NFYC: variants seen among roughly 807,000 people sequenced by gnomAD.
The protein encoded by NFYC is nuclear transcription factor Y subunit gamma.
Under a neutral mutation model 53.1 loss-of-function variants are expected in NFYC, and 25 were observed. The observed-to-expected ratio is 0.47, with a 90% CI of 0.34 to 0.66. NFYC has a LOEUF of 0.66. Among genes scored for constraint, NFYC ranks in the 30% least tolerant of loss-of-function variants. NFYC has a pLI of 0.01. For synonymous variants in NFYC, 145 were observed against 152.6 expected (o/e 0.95, Z 0.37); for missense variants, 260 against 422.7 (o/e 0.62, Z 3.38).
At chr1:40,692,264 A>C in intron 1 of NFYC, 1 of 155,804 alleles carries the variant, frequency 6.4e-6, no homozygotes, top group South Asian at 1.5e-4. Flanking sequence ...TGGGGCAATG[A>C]CCCCCTGCGG....
At chr1:40,734,340 C>CCTTATTTA (rs1194574300) in intron 1 of NFYC, among the ~76,000 whole-genome samples, 3 of 146,560 alleles carry the variant, frequency 2.0e-5, no homozygotes, top group African/African-American at 7.6e-5. Flanking sequence ...ACTACGGTTG[C>CCTTATTTA]TTTATTTATT....
intron 1 of NFYC, among the ~76,000 whole-genome samples, chr1:40,698,158 T>G (rs1253649946): frequency 6.6e-6 from 1 of 151,914 alleles, no homozygotes; most frequent in Non-Finnish European, 1.5e-5. Flanking sequence ...AAGTCAAGAG[T>G]TTGTGACCAG....
At position 40,770,511 on chromosome 1, in the gene NFYC, C is replaced by A. The variant is rs746655256; in HGVS notation, c.889-198C>A. 1.2e-5 allele frequency: 19 copies of A among 1,555,570 alleles called. No homozygotes were observed. The highest frequency in any genetic ancestry group is 2.4e-5 in the South Asian group (2 of 84,676). On this transcript the variant is annotated intron_variant, in intron 9 of 9. Coordinates refer to ENST00000447388, the MANE Select transcript of NFYC (RefSeq NM_014223.5). The surrounding 1 kb of genome is among the most constrained non-coding windows in gnomAD (Gnocchi z 5.3). ...CACCTCTTCCCTGCCCACCACACAC[C>A]CCCCCTCACACCGGGCTGGTGCCTC...
At chr1:40,718,646 A>G (rs1379478973) in intron 1 of NFYC, among the ~76,000 whole-genome samples, 1 of 152,248 alleles carries the variant, frequency 6.6e-6, no homozygotes, top group East Asian at 1.9e-4. Flanking sequence ...TATTTTGGAA[A>G]TTGTCTTTAA....
intron 1 of NFYC, among the ~76,000 whole-genome samples, chr1:40,698,192 G>A (rs903568571): frequency 1.6e-4 from 25 of 151,968 alleles, no homozygotes; most frequent in African/African-American, 5.5e-4. Flanking sequence ...GTGAAACTCC[G>A]TTTCTACTAA....
intron 1 of NFYC, among the ~76,000 whole-genome samples, chr1:40,695,132 G>T (rs773512276): frequency 6.6e-6 from 1 of 151,920 alleles, no homozygotes; most frequent in South Asian, 2.1e-4. Flanking sequence ...CCAGCTACTC[G>T]GAAGACTGAG....
At chr1:40,746,156 A>G (rs1361025625) in intron 2 of NFYC, among the ~76,000 whole-genome samples, 1 of 152,232 alleles carries the variant, frequency 6.6e-6, no homozygotes, top group Non-Finnish European at 1.5e-5. Flanking sequence ...TAATAAACTG[A>G]ACTTCTAAGT....
chr1:40,718,382 G>T (rs1246164123), intron 1 of NFYC, among the ~76,000 whole-genome samples: 1 of 152,148 alleles, frequency 6.6e-6, no homozygotes, highest in Non-Finnish European at 1.5e-5. Flanking sequence ...ACAGTCTATA[G>T]CTGTGTCCAT....
At position 40,771,022 on chromosome 1, in the gene NFYC, T is replaced by A; in HGVS notation, c.*194T>A. The A allele has an allele frequency of 1.7e-6, 1 of 600,994 alleles. No homozygotes were observed. Among genetic ancestry groups the A allele is most frequent in the South Asian group, 2.1e-5 (1 of 47,000 alleles). 37.2% of individuals were successfully genotyped at this position (600,994 alleles called of 1,614,324 possible). A position where few individuals can be genotyped will look rare whatever the true frequency, so the allele number is the denominator to read the frequency against. On this transcript the variant is annotated 3_prime_UTR_variant, in exon 10 of 10. Transcript: ENST00000447388. Reference sequence around the variant, plus strand: ...AAAGATGCAATATTTTTTGTTTCCTTTTTTTCCATTTTTTTCTCTAAGGAA... The same window carrying A: ...AAAGATGCAATATTTTTTGTTTCCTATTTTTCCATTTTTTTCTCTAAGGAA...
At chr1:40,693,448 T>A (rs1570255785) in intron 1 of NFYC, among the ~76,000 whole-genome samples, 1 of 152,220 alleles carries the variant, frequency 6.6e-6, no homozygotes, top group Non-Finnish European at 1.5e-5. Flanking sequence ...TAGCTTTAGA[T>A]GGTACTCTTC....
intron 1 of NFYC, among the ~76,000 whole-genome samples, chr1:40,721,072 G>A (rs989185356): frequency 6.6e-6 from 1 of 152,080 alleles, no homozygotes; most frequent in Non-Finnish European, 1.5e-5. Flanking sequence ...TAAAAAAAGA[G>A]AACATGTTAC....
At chr1:40,722,232 G>A (rs369614983) in intron 1 of NFYC, among the ~76,000 whole-genome samples, 4 of 152,058 alleles carry the variant, frequency 2.6e-5, no homozygotes, top group African/African-American at 9.7e-5. Flanking sequence ...TTGGATTAGT[G>A]TGGAGAGAAA....
At chr1:40,758,522 G>A (rs1327687426) in intron 6 of NFYC, 1 of 457,734 alleles carries the variant, frequency 2.2e-6, no homozygotes, top group Non-Finnish European at 3.8e-6. Flanking sequence ...GTACTAGACA[G>A]TATGTTCTCC....
chr1:40,727,532 C>CTTTTT (rs372284521), intron 1 of NFYC, among the ~76,000 whole-genome samples: 123 of 130,146 alleles, frequency 9.5e-4, no homozygotes, highest in Non-Finnish European at 1.6e-3. Context: ...CATGAATATT[C>CTTTTT]TTTTTTTTTT....
intron 1 of NFYC, chr1:40,730,484 G>C: frequency 3.5e-6 from 3 of 865,814 alleles, no homozygotes; most frequent in Non-Finnish European, 4.2e-6. Flanking sequence ...AGTTGGTAGA[G>C]CAGTATCTGT....
At position 40,745,716 on chromosome 1, in the gene NFYC, A is replaced by G. The variant is rs547536805; in HGVS notation, c.106-1818A>G. 3.5e-3 allele frequency among the ~76,000 whole-genome samples: 527 copies of G among 152,208 alleles called. 2 individuals are homozygous for G. Among genetic ancestry groups the G allele is most frequent in the African/African-American group, 0.012 (512 of 41,530 alleles). On this transcript the variant is annotated intron_variant, in intron 2 of 9. Transcript: ENST00000447388. ...TTTCCCAATCCCTCACTCTCCCTCCAGCCCCACATTGCTAGCTGTCCCTAG... is the reference window on the plus strand; with the variant it reads ...TTTCCCAATCCCTCACTCTCCCTCCGGCCCCACATTGCTAGCTGTCCCTAG...
intron 6 of NFYC, 78 bp downstream of exon 6, chr1:40,758,372 C>A: frequency 7.0e-7 from 1 of 1,421,044 alleles, no homozygotes; most frequent in Non-Finnish European, 9.4e-7. Flanking sequence ...TTGATGAGGG[C>A]AGAGAGGCAG....
At chr1:40,764,315 A>C (rs746944510) in intron 7 of NFYC, among the ~76,000 whole-genome samples, 15 of 152,350 alleles carry the variant, frequency 9.8e-5, no homozygotes. Flanking sequence ...TCAGTTTAGG[A>C]ATTGTTCTTC....
chr1:40,736,360 C>T (rs1645025293), intron 1 of NFYC, among the ~76,000 whole-genome samples: 1 of 152,146 alleles, frequency 6.6e-6, no homozygotes, highest in East Asian at 1.9e-4. Context: ...ACAGGCTAAA[C>T]CTAGAGTTGT....
Sources: allele counts gnomAD v4.1 joint callset (sites outside exome capture counted in the v4.1 genomes callset), GRCh38; gene constraint gnomAD v4.1.1; non-coding constraint Gnocchi (gnomAD v3.1); transcripts MANE v1.5; gene names NCBI Gene and HGNC (gene_info 2026-07-23, HGNC 2026-07-21).